DIAPH3: variants seen among roughly 807,000 people sequenced by gnomAD.
DIAPH3 encodes diaphanous related formin 3, also known as protein diaphanous homolog 3.
In DIAPH3, 117 loss-of-function variants were observed where a neutral mutation model predicts 144.3. The observed-to-expected ratio is 0.81, with a 90% CI of 0.70 to 0.95. The LOEUF is 0.95. Among genes scored for constraint, DIAPH3 ranks in the 40% least tolerant of loss-of-function variants. The pLI, the probability that DIAPH3 is intolerant of heterozygous loss-of-function variation, is 0.00. For synonymous variants in DIAPH3, 519 were observed against 488.9 expected (o/e 1.06, Z -0.81); for missense variants, 1,421 against 1,412.7 (o/e 1.01, Z -0.09).
In DIAPH3 at chr13:59,833,220, C is replaced by A; in HGVS notation, c.2914G>T (p.Glu972Ter). 1 of 1,609,566 alleles carries A rather than the reference C, an allele frequency of 6.2e-7. No individual in the cohort carries two copies. Among genetic ancestry groups the A allele is most frequent in the Non-Finnish European group, 8.5e-7 (1 of 1,177,390 alleles). The change falls in exon 24 of 28, where the codon GAA (glutamate) becomes TAA (stop). Residue 972 changes from glutamate to a stop codon, truncating the protein, a stop_gained. Coordinates refer to ENST00000400324, the MANE Select transcript of DIAPH3 (RefSeq NM_001042517.2). LOFTEE classifies it high-confidence loss of function. The part of the protein sequence containing the change: ...EQYETLSKLH[E>*]NMEKLYQSII... ...CTCTGGTATAACTTTTCCATGTTTT[C>A]GTGTAACTTCGAAAGTGTCTCATAT...
intron 5 of DIAPH3, among the ~76,000 whole-genome samples, chr13:60,017,219 C>T (rs1247703035): frequency 6.6e-6 from 1 of 151,928 alleles, no homozygotes. Context: ...GCCTGACCAA[C>T]ATGGTGAAAC....
At chr13:60,040,251 A>AG (rs1555363111) in intron 5 of DIAPH3, among the ~76,000 whole-genome samples, 2,665 of 144,474 alleles carry the variant, frequency 0.018, 205 homozygotes, top group African/African-American at 0.071. Flanking sequence ...AAAAAAAAAA[A>AG]GGATCTTCTC....
chr13:60,085,457 C>T (rs1367107431), intron 4 of DIAPH3, among the ~76,000 whole-genome samples: 2 of 152,076 alleles, frequency 1.3e-5, no homozygotes, highest in Non-Finnish European at 2.9e-5. Flanking sequence ...TTCTCATTCT[C>T]GGCTGTATCC....
chr13:59,764,947 C>T (rs1367437103), intron 27 of DIAPH3, among the ~76,000 whole-genome samples: 1 of 152,122 alleles, frequency 6.6e-6, no homozygotes, highest in East Asian at 1.9e-4. Context: ...GCTTTCCACT[C>T]ACATCATCGT....
At chr13:59,961,762 G>A (rs1485843390) in intron 17 of DIAPH3, among the ~76,000 whole-genome samples, 2 of 152,136 alleles carry the variant, frequency 1.3e-5, no homozygotes, top group African/African-American at 2.4e-5. Flanking sequence ...GAAATTCACC[G>A]AAGAATGTAA....
At chr13:60,082,890 A>G (rs2057609883) in intron 4 of DIAPH3, among the ~76,000 whole-genome samples, 1 of 152,166 alleles carries the variant, frequency 6.6e-6, no homozygotes, top group Non-Finnish European at 1.5e-5. Context: ...TAGTAGGACA[A>G]AAATAGCAGT....
intron 2 of DIAPH3, among the ~76,000 whole-genome samples, chr13:60,120,241 A>G (rs930992030): frequency 1.3e-4 from 20 of 152,334 alleles, no homozygotes; most frequent in Non-Finnish European, 2.4e-4. Context: ...TTTAAGCACT[A>G]GTGACATCAC....
chr13:60,001,045 A>G (rs2052498198), intron 9 of DIAPH3, among the ~76,000 whole-genome samples: 1 of 152,226 alleles, frequency 6.6e-6, no homozygotes, highest in Non-Finnish European at 1.5e-5. Context: ...TTGTATTGCA[A>G]GTAAAGACAT....
intron 1 of DIAPH3, among the ~76,000 whole-genome samples, chr13:60,136,947 A>C (rs940041286): frequency 1.3e-5 from 2 of 151,654 alleles, no homozygotes; most frequent in Non-Finnish European, 1.5e-5. Flanking sequence ...CTCAAAAAAA[A>C]AAAAAATAAT....
At chr13:60,138,062 C>T (rs1202382254) in intron 1 of DIAPH3, among the ~76,000 whole-genome samples, 1 of 152,026 alleles carries the variant, frequency 6.6e-6, no homozygotes, top group Non-Finnish European at 1.5e-5. Context: ...GAGGGATTAC[C>T]AACATGAGGA....
chr13:60,156,493 G>A (rs372652505), intron 1 of DIAPH3, among the ~76,000 whole-genome samples: 1 of 151,956 alleles, frequency 6.6e-6, no homozygotes, highest in Non-Finnish European at 1.5e-5. Flanking sequence ...TAATCTTTAG[G>A]GGGGATGAAT....
chr13:59,683,754 C>G (rs2033069804), intron 27 of DIAPH3, among the ~76,000 whole-genome samples: 1 of 152,176 alleles, frequency 6.6e-6, no homozygotes, highest in African/African-American at 2.4e-5. Flanking sequence ...CGTTCTTTCA[C>G]TGAGGTTAAC....
At chr13:59,868,444 G>A (rs1209547469) in intron 21 of DIAPH3, among the ~76,000 whole-genome samples, 1 of 152,036 alleles carries the variant, frequency 6.6e-6, no homozygotes, top group East Asian at 1.9e-4. Flanking sequence ...TAGCTTTACA[G>A]GAAAAACTAA....
intron 21 of DIAPH3, among the ~76,000 whole-genome samples, chr13:59,874,957 T>A (rs1323523570): frequency 6.6e-6 from 1 of 152,180 alleles, no homozygotes; most frequent in South Asian, 2.1e-4. Flanking sequence ...ATTAGTAACA[T>A]CTTCTTAAAT....
At chr13:60,061,500 A>G (rs892362894) in intron 4 of DIAPH3, among the ~76,000 whole-genome samples, 4 of 151,966 alleles carry the variant, frequency 2.6e-5, no homozygotes, top group African/African-American at 9.7e-5. Flanking sequence ...TCAGGTGGAC[A>G]TGAATAAATA....
At chr13:59,938,139 C>A (rs997727256) in intron 17 of DIAPH3, among the ~76,000 whole-genome samples, 1 of 152,148 alleles carries the variant, frequency 6.6e-6, no homozygotes, top group African/African-American at 2.4e-5. Context: ...ATTGGTCTAG[C>A]TAATTGGAGT....
chr13:60,131,813 T>G (rs753540077), intron 2 of DIAPH3, among the ~76,000 whole-genome samples: 1 of 152,244 alleles, frequency 6.6e-6, no homozygotes, highest in Non-Finnish European at 1.5e-5. Flanking sequence ...AGATGGTTTA[T>G]CAGCCTTAAG....
intron 22 of DIAPH3, among the ~76,000 whole-genome samples, chr13:59,841,355 T>C (rs2042330401): frequency 6.6e-6 from 1 of 151,944 alleles, no homozygotes. Flanking sequence ...CTTTAGGAGC[T>C]GAGGTAGGAG....
At chr13:59,832,181 T>C (rs1359873741) in intron 24 of DIAPH3, among the ~76,000 whole-genome samples, 2 of 151,910 alleles carry the variant, frequency 1.3e-5, no homozygotes, top group East Asian at 3.8e-4. Flanking sequence ...ATTTACAGAA[T>C]TGCTTTGAAT....
Sources: allele counts gnomAD v4.1 joint callset (sites outside exome capture counted in the v4.1 genomes callset), GRCh38; gene constraint gnomAD v4.1.1; transcripts MANE v1.5; gene names NCBI Gene and HGNC (gene_info 2026-07-23, HGNC 2026-07-21).